The following MAP3K20 variants were observed in gnomAD, a reference collection of about 807,000 sequenced individuals.
MAP3K20 encodes the protein mitogen-activated protein kinase kinase kinase 20.
MAP3K20 carries 40 observed loss-of-function variants against 85.7 expected under a neutral mutation model. The ratio of observed to expected loss-of-function variants is 0.47; its 90% CI spans 0.36 to 0.61. The LOEUF (loss-of-function observed/expected upper bound fraction) is 0.61, where lower values mean the gene tolerates loss of function less well. MAP3K20 is among the 20% of genes least tolerant of loss of function. The pLI, the probability that MAP3K20 is intolerant of heterozygous loss-of-function variation, is 0.00. For missense variants in MAP3K20, 817 were observed against 961.7 expected, an observed-to-expected ratio of 0.85 and a Z score of 1.99; for synonymous variants, 325 against 327.7, an observed-to-expected ratio of 0.99 and a Z score of 0.09.
chr2:173,222,368 A>G, intron 11 of MAP3K20: 1 of 985,924 alleles, frequency 1.0e-6, no homozygotes, highest in Non-Finnish European at 1.2e-6. Context: ...CAGTGTTCTC[A>G]GTAATGTATT....
chr2:173,206,007 C>G (rs1683674259), intron 9 of MAP3K20, among the ~76,000 whole-genome samples: 1 of 152,084 alleles, frequency 6.6e-6, no homozygotes, highest in African/African-American at 2.4e-5. Context: ...CATACTACCC[C>G]TTCCCTACCC....
In MAP3K20 at chr2:173,258,863, C is replaced by G. The variant is rs1230996082; in HGVS notation, c.1476+48C>G. 3 of 1,185,132 alleles carry G rather than the reference C, an allele frequency of 2.5e-6. No individual in the cohort carries two copies. In the African/African-American group the frequency reaches 4.5e-5, roughly 18 times the overall value. The allele number at this position is 1,185,132 out of a possible 1,614,324, so 73.4% of individuals were successfully genotyped here. A position where few individuals can be genotyped will look rare whatever the true frequency, so the allele number is the denominator to read the frequency against. On this transcript the variant is annotated intron_variant, in intron 17 of 19. Transcript: ENST00000375213. ...AAAGCTCTTTTGAATTCACAGATAT[C>G]AAACAAAGACATTAAAATACCCCAG...
intron 4 of MAP3K20, among the ~76,000 whole-genome samples, chr2:173,186,098 T>G (rs1388861325): frequency 1.3e-5 from 2 of 152,210 alleles, no homozygotes. Context: ...CACTAATACT[T>G]TATGGTACTT....
At chr2:173,082,631 G>T (rs907363226) in intron 1 of MAP3K20, among the ~76,000 whole-genome samples, 3 of 152,194 alleles carry the variant, frequency 2.0e-5, no homozygotes, top group African/African-American at 7.2e-5. Flanking sequence ...ATAGGCTACG[G>T]CTTTCTCCTC....
At chr2:173,235,970 C>T (rs62174361) in intron 14 of MAP3K20, among the ~76,000 whole-genome samples, 2 of 151,712 alleles carry the variant, frequency 1.3e-5, no homozygotes, top group African/African-American at 4.8e-5. Flanking sequence ...AATCGGTGGT[C>T]GAAAGGGTCT....
intron 9 of MAP3K20, among the ~76,000 whole-genome samples, chr2:173,205,413 T>C (rs1051597130): frequency 3.9e-5 from 6 of 152,130 alleles, no homozygotes; most frequent in Non-Finnish European, 8.8e-5. Context: ...TCAGAAGCAA[T>C]TGGTGAGAAT....
At chr2:173,154,962 G>A (rs1165990094) in intron 2 of MAP3K20, among the ~76,000 whole-genome samples, 4 of 152,098 alleles carry the variant, frequency 2.6e-5, no homozygotes, top group Admixed American at 6.5e-5. Context: ...AAGAAGTTTT[G>A]GTGTTCAGGA....
At chr2:173,217,019 ATG>A (rs891990749) in intron 10 of MAP3K20, 94 bp from the exon 11 acceptor site, 12 of 1,212,958 alleles carry the variant, frequency 9.9e-6, no homozygotes, top group Middle Eastern at 2.2e-4. Context: ...AAGCACCAGC[ATG>A]TGTCTTTTAC....
rs779736284 is a variant in MAP3K20, at chr2:173,229,706, G to A, written c.1005G>A (p.Glu335=). The change falls in exon 12 of 20, where the codon GAG becomes GAA. Residue 335 remains glutamate, a synonymous_variant. Coordinates refer to ENST00000375213, the MANE Select transcript of MAP3K20 (RefSeq NM_016653.3). ...QSNTPLLPSF[E]IGAWTEDDVY... is the part of the protein sequence containing the mutation. ...CCATGCAGCTGCTGCCTTCCTTTGA[G>A]ATTGGTGCATGGACGGAAGACGATG... The A allele has an allele frequency of 2.0e-5, 32 of 1,613,904 alleles. No individual in the cohort carries two copies. Among genetic ancestry groups the A allele is most frequent in the Admixed American group, 1.3e-4 (8 of 59,980 alleles).
intron 16 of MAP3K20, among the ~76,000 whole-genome samples, chr2:173,243,621 T>G (rs1574151452): frequency 6.6e-6 from 1 of 152,220 alleles, no homozygotes. Context: ...ATTTATGTTT[T>G]TTTGTTTGTT....
chr2:173,110,200 C>CATATATATATATATAT (rs61019253), intron 2 of MAP3K20, among the ~76,000 whole-genome samples: 1 of 32,342 alleles, frequency 3.1e-5, no homozygotes, highest in Non-Finnish European at 5.4e-5. Context: ...ATATGTTATA[C>CATATATATATATATAT]ATATATATAT....
intron 4 of MAP3K20, among the ~76,000 whole-genome samples, chr2:173,186,076 C>T (rs1014289537): frequency 2.0e-5 from 3 of 152,114 alleles, no homozygotes; most frequent in Middle Eastern, 3.2e-3. Flanking sequence ...TAAATGTATA[C>T]TATGCATCGT....
intron 10 of MAP3K20, chr2:173,214,510 A>G (rs1684011226): frequency 6.6e-6 from 1 of 152,236 alleles, no homozygotes; most frequent in Non-Finnish European, 1.5e-5. Context: ...AAAAAACCAG[A>G]GATCAAAAAT....
intron 3 of MAP3K20, among the ~76,000 whole-genome samples, chr2:173,180,249 G>A (rs1156568543): frequency 6.6e-6 from 1 of 152,070 alleles, no homozygotes; most frequent in Non-Finnish European, 1.5e-5. Context: ...TACAATATTG[G>A]CACAATATCT....
At chr2:173,124,578 A>G (rs34014656) in intron 2 of MAP3K20, among the ~76,000 whole-genome samples, 53,204 of 151,958 alleles carry the variant, frequency 0.35, 10,031 homozygotes, top group Non-Finnish European at 0.43. Context: ...TGTTCCATGA[A>G]AAGTTCTGGG....
At chr2:173,108,289 T>C (rs568289269) in intron 2 of MAP3K20, among the ~76,000 whole-genome samples, 1 of 152,276 alleles carries the variant, frequency 6.6e-6, no homozygotes, top group East Asian at 1.9e-4. Flanking sequence ...TGTGTCACCA[T>C]GCCTGGCTAA....
chr2:173,261,123 A>G lies in MAP3K20; in HGVS notation c.1537A>G (p.Thr513Ala). The G allele has an allele frequency of 6.2e-7, 1 of 1,613,654 alleles. No individual in the cohort carries two copies. The highest frequency in any genetic ancestry group is 8.5e-7 in the Non-Finnish European group (1 of 1,179,642). The change falls in exon 18 of 20, where the codon ACT (threonine) becomes GCT (alanine). Residue 513 changes from threonine (T) to alanine (A), a missense_variant. By Grantham distance (58) the Thr-to-Ala change is moderately conservative (BLOSUM62 0). Around this residue, in one of 4 missense-constraint regions of MAP3K20, gnomAD observed 454 missense variants for 476.9 expected, o/e 0.95. Transcript: ENST00000375213. ...AGCAAAAAGTCAGACTGTGGAGTGC[A>G]CTGTCACATATGAGGTAAGCTCTGG... ...GIAKSQTVEC[T>A]VTYESDVRTP...
intron 2 of MAP3K20, among the ~76,000 whole-genome samples, chr2:173,141,663 A>C (rs1015176957): frequency 6.6e-6 from 1 of 152,172 alleles, no homozygotes; most frequent in African/African-American, 2.4e-5. Flanking sequence ...AGAAATGATG[A>C]CTTCAAGTGC....
intron 1 of MAP3K20, among the ~76,000 whole-genome samples, chr2:173,082,746 C>T (rs1687046002): frequency 6.6e-6 from 1 of 152,250 alleles, no homozygotes; most frequent in Non-Finnish European, 1.5e-5. Context: ...TTCTCTTCCT[C>T]ATGCTGCAAG....
Sources: gnomAD v4.1 joint callset for allele counts (sites outside exome capture counted in the v4.1 genomes callset) on GRCh38, gnomAD v4.1.1 for gene constraint, gnomAD v4.1.1 regional missense constraint, MANE v1.5 for transcripts, NCBI Gene and HGNC (gene_info 2026-07-23, HGNC 2026-07-21) for gene names.